LPAR6: variants seen among roughly 807,000 people sequenced by gnomAD.
LPAR6 encodes the protein lysophosphatidic acid receptor 6.
LPAR6 carries 17 observed loss-of-function variants against 22.0 expected under a neutral mutation model. The observed-to-expected ratio is 0.77, with a 90% CI of 0.53 to 1.16. The LOEUF is 1.16. Ranked by LOEUF, LPAR6 falls within the 50% of genes most tolerant of loss-of-function variation. LPAR6 has a pLI of 0.00. For missense variants in LPAR6, 384 were observed against 406.9 expected (o/e 0.94, Z 0.48); for synonymous variants, 136 against 139.8 (o/e 0.97, Z 0.19).
upstream of LPAR6, among the ~76,000 whole-genome samples, chr13:48,413,957 C>A (rs1281563553): frequency 1.3e-5 from 2 of 152,084 alleles, no homozygotes; most frequent in African/African-American, 4.8e-5. Context: ...TCCCTTAACC[C>A]CTTAATATGA....
Position 48,411,613 on chromosome 13 carries a change from T to G in LPAR6, c.811A>C (p.Thr271Pro). The G allele has an allele frequency of 6.2e-7, 1 of 1,612,284 alleles. No homozygotes were observed. The highest frequency in any genetic ancestry group is 8.5e-7 in the Non-Finnish European group (1 of 1,178,520). Residue 271 changes from threonine to proline, a missense_variant, in exon 1 of 1, where the codon ACA becomes CCA. By Grantham distance (38) the Thr-to-Pro change is conservative. Transcript: ENST00000620633. ...VNCSVVAAVR[T>P]MYPITLCIAV... The stretch of plus-strand genomic sequence containing the variant: ...ATACAGAGAGTGATTGGGTACATTG[T>G]CCTTACTGCTGCCACTACTGAGCAA...
downstream of LPAR6, among the ~76,000 whole-genome samples, chr13:48,407,282 A>G (rs550610843): frequency 3.9e-5 from 6 of 152,326 alleles, no homozygotes; most frequent in South Asian, 8.3e-4. Flanking sequence ...TTCTGTTTTT[A>G]ACACTGCTTT....
In LPAR6 at chr13:48,412,311, G is replaced by A. The variant is rs750697595; in HGVS notation, c.113C>T (p.Ala38Val). The A allele has an allele frequency of 1.2e-6, 2 of 1,612,826 alleles. No individual in the cohort carries two copies. The highest frequency in any genetic ancestry group is 1.1e-5 in the South Asian group (1 of 91,054). Reference sequence around the variant, plus strand: ...GAGGACGCAGATGAAAATGTATATGGCAACACAATTGGATATTAACCCAAG... The same window carrying A: ...GAGGACGCAGATGAAAATGTATATGACAACACAATTGGATATTAACCCAAG... ...FVLGLISNCV[A>V]IYIFICVLKV... Residue 38 changes from alanine (A) to valine (V), a missense_variant, in exon 1 of 1, where the codon GCC (alanine) becomes GTC (valine). By Grantham distance (64) the Ala-to-Val change is moderately conservative (BLOSUM62 0). Transcript: ENST00000620633.
intron 1 of LPAR6, among the ~76,000 whole-genome samples, chr13:48,432,270 T>C (rs1949137796): frequency 6.6e-6 from 1 of 152,082 alleles, no homozygotes; most frequent in Non-Finnish European, 1.5e-5. Flanking sequence ...CCAGCTCACC[T>C]CCCAGAAATT....
chr13:48,418,702 T>A (rs1442095559), intron 2 of LPAR6, among the ~76,000 whole-genome samples: 10 of 133,834 alleles, frequency 7.5e-5, no homozygotes, highest in South Asian at 4.5e-4. Flanking sequence ...ACCAAGCAAA[T>A]GGAAAGCAAA....
At chr13:48,403,207 T>C (rs1382571709) in intron 1 of LPAR6, among the ~76,000 whole-genome samples, 1 of 152,144 alleles carries the variant, frequency 6.6e-6, no homozygotes, top group African/African-American at 2.4e-5. Context: ...TTTGTGTAAC[T>C]TGGATTGTGC....
At chr13:48,392,251 A>C (rs539628221) in intron 1 of LPAR6, among the ~76,000 whole-genome samples, 2 of 151,604 alleles carry the variant, frequency 1.3e-5, no homozygotes, top group Non-Finnish European at 3.0e-5. Context: ...ACTGGGACTA[A>C]AGGCACATGC....
chr13:48,411,537 TC>T lies in LPAR6; in HGVS notation c.886del (p.Asp296ThrfsTer7). 6.2e-7 allele frequency: 1 copy of T among 1,613,560 alleles called. No individual in the cohort carries two copies. On this transcript the variant is annotated frameshift_variant, in exon 1 of 1. Coordinates refer to ENST00000620633, the MANE Select transcript of LPAR6 (RefSeq NM_001162498.3). LOFTEE classifies it high-confidence loss of function. ...CATTTTTATTGAATTCTGAATTGTGTCCGATGTAAAGTAGTAAACTATAGGG... is the reference window on the plus strand; with the variant it reads ...CATTTTTATTGAATTCTGAATTGTGTCGATGTAAAGTAGTAAACTATAGGG... ...FDPIVYYFTS[D>X]TIQNSIKMKN...
chr13:48,407,065 C>A (rs1948746638), downstream of LPAR6, among the ~76,000 whole-genome samples: 1 of 152,304 alleles, frequency 6.6e-6, no homozygotes, highest in Admixed American at 6.5e-5. Context: ...GTTCCAGAAG[C>A]CATTTTGATA....
downstream of LPAR6, among the ~76,000 whole-genome samples, chr13:48,407,596 G>T (rs1727369698): frequency 1.3e-5 from 2 of 152,144 alleles, no homozygotes; most frequent in African/African-American, 4.8e-5. Context: ...GGAAAATATT[G>T]CTAAATAAGT....
In LPAR6 at chr13:48,411,708, CAG is replaced by C. The variant is rs1197130829; in HGVS notation, c.714_715del (p.Phe238LeufsTer24). 3.1e-6 allele frequency: 5 copies of C among 1,606,162 alleles called. No homozygotes were observed. The highest frequency in any genetic ancestry group is 4.3e-6 in the Non-Finnish European group (5 of 1,173,284). ...GATATTGTAAGGAACAAAACAGAAA[CAG>C]AATATGATCAAATGTACAAAAATCA... On this transcript the variant is annotated frameshift_variant, in exon 1 of 1. Coordinates refer to ENST00000620633, the MANE Select transcript of LPAR6 (RefSeq NM_001162498.3). LOFTEE classifies it high-confidence loss of function.
At chr13:48,405,687 A>G (rs570366066) in intron 1 of LPAR6, among the ~76,000 whole-genome samples, 18 of 152,344 alleles carry the variant, frequency 1.2e-4, no homozygotes, top group East Asian at 9.6e-4. Flanking sequence ...TCAATACCCA[A>G]TATAAAGCAT....
At position 48,411,377 on chromosome 13, in the gene LPAR6, A is replaced by C. The variant is rs1948796477; in HGVS notation, c.*12T>G. 6.2e-7 allele frequency: 1 copy of C among 1,602,012 alleles called. No homozygotes were observed. ...TGAAAGTTCTGTCCCAGTGAGTCCT[A>C]ATGGTTTTATTTCAGGCAGCAGATT... On this transcript the variant is annotated 3_prime_UTR_variant, in exon 1 of 1. Transcript: ENST00000620633.
intron 1 of LPAR6, among the ~76,000 whole-genome samples, chr13:48,393,865 T>G (rs1428839465): frequency 6.6e-6 from 1 of 152,238 alleles, no homozygotes; most frequent in Admixed American, 6.5e-5. Flanking sequence ...ATACTCTTTT[T>G]CTGTGGTCAC....
At chr13:48,396,537 A>C (rs1465735700) in intron 1 of LPAR6, among the ~76,000 whole-genome samples, 1 of 152,228 alleles carries the variant, frequency 6.6e-6, no homozygotes. Context: ...CTAAAACCAT[A>C]AAAACCCTAG....
At chr13:48,430,782 A>C (rs756326345), upstream of LPAR6, among the ~76,000 whole-genome samples, 4 of 151,400 alleles carry the variant, frequency 2.6e-5, no homozygotes, top group Non-Finnish European at 5.9e-5. Flanking sequence ...AAAAAACAGT[A>C]GAGGCCTGCT....
chr13:48,407,514 A>C (rs1948751019), downstream of LPAR6, among the ~76,000 whole-genome samples: 2 of 152,230 alleles, frequency 1.3e-5, no homozygotes, highest in South Asian at 4.1e-4. Context: ...TCTGACATCA[A>C]GTAAAAATGA....
At chr13:48,398,768 A>G (rs1200928593) in intron 1 of LPAR6, among the ~76,000 whole-genome samples, 1 of 152,098 alleles carries the variant, frequency 6.6e-6, no homozygotes, top group Admixed American at 6.6e-5. Flanking sequence ...AGTCAGGCAT[A>G]TGGGACAGTA....
rs200290519 is a variant in LPAR6, at chr13:48,396,724, G to A, written n.115-6912C>T. Among the ~76,000 whole-genome samples the A allele has an allele frequency of 7.2e-5, 11 of 152,270 alleles. No homozygotes were observed. The East Asian group carries it at 2.1e-3, about 29-fold the overall frequency. On this transcript the variant is annotated intron_variant and non_coding_transcript_variant, in intron 1 of 1. Transcript: ENST00000462781. ...AGTGAACAGGCAACCTACAGAATGG[G>A]AGAAAATTTTTGCAATGTATCCATC... is the stretch of plus-strand genomic sequence containing the variant.
Sources: gnomAD v4.1 joint callset for allele counts (sites outside exome capture counted in the v4.1 genomes callset) on GRCh38, gnomAD v4.1.1 for gene constraint, MANE v1.5 for transcripts, NCBI Gene and HGNC (gene_info 2026-07-23, HGNC 2026-07-21) for gene names.